Variants in DNM3 observed in about 807,000 individuals in gnomAD.
The protein encoded by DNM3 is dynamin 3.
A neutral mutation model predicts 101.6 loss-of-function variants in DNM3; 47 were observed. The ratio of observed to expected loss-of-function variants is 0.46; its 90% CI spans 0.37 to 0.59. The LOEUF is 0.59. Ranked by LOEUF, DNM3 falls within the 20% of genes least tolerant of loss-of-function variation. The pLI is 0.00. For synonymous variants in DNM3, 385 were observed against 387.9 expected (o/e 0.99, Z 0.09); for missense variants, 849 against 1,085.7 (o/e 0.78, Z 3.06).
intron 8 of DNM3, among the ~76,000 whole-genome samples, chr1:172,042,917 A>AT (rs2049494238): frequency 6.6e-6 from 1 of 152,146 alleles, no homozygotes; most frequent in Non-Finnish European, 1.5e-5. Context: ...TGCCTGCTGG[A>AT]TTGTAAAGAG....
intron 20 of DNM3, among the ~76,000 whole-genome samples, chr1:172,403,876 C>CT: frequency 6.6e-6 from 1 of 152,252 alleles, no homozygotes; most frequent in East Asian, 1.9e-4. Flanking sequence ...CCAAAACAAA[C>CT]TGTCTTGTGA....
intron 13 of DNM3, among the ~76,000 whole-genome samples, chr1:172,112,514 C>A (rs2055558185): frequency 6.6e-6 from 1 of 152,228 alleles, no homozygotes; most frequent in Non-Finnish European, 1.5e-5. Context: ...CTGAGTGATT[C>A]TTTCATCACA....
intron 13 of DNM3, among the ~76,000 whole-genome samples, chr1:172,109,932 T>G (rs918306269): frequency 2.0e-5 from 3 of 152,212 alleles, no homozygotes; most frequent in Non-Finnish European, 4.4e-5. Context: ...AACCAGGAGC[T>G]CCAACACTCT....
At chr1:172,190,472 T>G (rs1211186188) in intron 14 of DNM3, among the ~76,000 whole-genome samples, 2 of 152,176 alleles carry the variant, frequency 1.3e-5, no homozygotes, top group African/African-American at 4.8e-5. Context: ...ACAATAAACA[T>G]ACGTCTGCAT....
intron 4 of DNM3, among the ~76,000 whole-genome samples, 194 bp from the exon 5 acceptor site, chr1:172,032,207 TG>T (rs1461960594): frequency 6.6e-6 from 1 of 152,146 alleles, no homozygotes; most frequent in Admixed American, 6.6e-5. Context: ...ATCTTCTGGA[TG>T]GGTGGTTTGG....
Position 172,264,341 on chromosome 1 carries a change from T to C in DNM3, c.1769+10659T>C, listed in dbSNP as rs539412132. Among the ~76,000 whole-genome samples, 5 of 152,338 alleles carry C rather than the reference T, an allele frequency of 3.3e-5. No individual in the cohort carries two copies. The East Asian group carries it at 9.7e-4, about 29-fold the overall frequency. ...CATGTCAGTTTATGTATTTTAATCC[T>C]CTGTGTTGTGGTAAAATCATGCATC... On this transcript the variant is annotated intron_variant, in intron 15 of 20. Transcript: ENST00000627582.
rs747273591 is a variant in DNM3, at chr1:171,987,768, C to T, written c.348C>T (p.Ser116=). Residue 116 remains serine, a synonymous_variant, in exon 3 of 21, where the codon TCC becomes TCT. Coordinates refer to ENST00000627582, the MANE Select transcript of DNM3 (RefSeq NM_015569.5). ...DRVTGMNKGI[S]SIPINLRVYS... ...TGACTGGAATGAATAAAGGCATTTC[C>T]TCCATACCCATTAATTTACGAGTCT... 4 of 1,587,546 alleles carry T rather than the reference C, an allele frequency of 2.5e-6. No homozygotes were observed. Among genetic ancestry groups the T allele is most frequent in the Admixed American group, 1.9e-5 (1 of 53,378 alleles).
rs6696568 is a variant in DNM3 at position 171,987,359 on chromosome 1, C to T, written c.236-297C>T. 3.1e-3 allele frequency: 3,077 copies of T among 979,666 alleles called. 90 individuals are homozygous for T. The African/African-American group carries it at 0.05, about 16-fold the overall frequency. 60.7% of individuals were successfully genotyped at this position (979,666 alleles called of 1,614,324 possible). A position where few individuals can be genotyped will look rare whatever the true frequency, so the allele number is the denominator to read the frequency against. On this transcript the variant is annotated intron_variant, in intron 2 of 20. Transcript: ENST00000627582. ...AATCAGGTGCTGTTGTTTGCTTTAT[C>T]ATTTGGATAGCCAAAATTTTCTTTA...
intron 2 of DNM3, among the ~76,000 whole-genome samples, chr1:171,926,211 C>G (rs1344055079): frequency 1.3e-5 from 2 of 152,086 alleles, no homozygotes; most frequent in Non-Finnish European, 2.9e-5. Flanking sequence ...TCTTCTGGTT[C>G]CCTATTAATT....
intron 13 of DNM3, among the ~76,000 whole-genome samples, chr1:172,094,907 T>C (rs1437110057): frequency 2.0e-5 from 3 of 152,186 alleles, no homozygotes; most frequent in Non-Finnish European, 4.4e-5. Context: ...CTCACAGAAG[T>C]ATGTACATGT....
intron 19 of DNM3, 27 bp from the exon 20 acceptor site, chr1:172,388,546 C>A: frequency 6.3e-7 from 1 of 1,584,966 alleles, no homozygotes; most frequent in South Asian, 1.1e-5. Flanking sequence ...GAGGAGTGAG[C>A]AAACTATGAT....
intron 14 of DNM3, among the ~76,000 whole-genome samples, chr1:172,204,751 C>T (rs2060270777): frequency 6.6e-6 from 1 of 152,108 alleles, no homozygotes; most frequent in Non-Finnish European, 1.5e-5. Context: ...TCTCAATCTT[C>T]TGGCTCAGAC....
rs2071501701 is a variant in DNM3 at position 172,418,282 on chromosome 1, C to T, written c.2542C>T (p.Arg848Ter). 4 of 1,288,982 alleles carry T rather than the reference C, an allele frequency of 3.1e-6. No individual in the cohort carries two copies. Among genetic ancestry groups the T allele is most frequent in the Non-Finnish European group, 2.0e-6 (2 of 988,568 alleles). The allele number at this position is 1,288,982 out of a possible 1,614,324, so 79.8% of individuals were successfully genotyped here. ...TTTGTTTTGTTTTGTTTTTACTAGG[C>T]GACCCCCTCCTGCAGTTCCAGGACG... The change falls in exon 21 of 21, where the codon CGA becomes TGA. Residue 848 changes from arginine (R) to a stop codon, truncating the protein, a stop_gained and splice_region_variant. Coordinates refer to the DNM3 transcript ENST00000485254. LOFTEE classifies it high-confidence loss of function.
chr1:172,112,788 T>A (rs1227217062), intron 13 of DNM3, among the ~76,000 whole-genome samples: 1 of 152,186 alleles, frequency 6.6e-6, no homozygotes, highest in Non-Finnish European at 1.5e-5. Context: ...TGCCTCACAG[T>A]GTTCAAAGAT....
At chr1:172,378,187 G>T (rs2068710107) in intron 17 of DNM3, 1 of 152,008 alleles carries the variant, frequency 6.6e-6, no homozygotes, top group African/African-American at 2.4e-5. Context: ...GAGACCATTT[G>T]TTCTAAATTG....
At chr1:172,344,914 TG>T (rs1230539890) in intron 17 of DNM3, among the ~76,000 whole-genome samples, 1 of 152,204 alleles carries the variant, frequency 6.6e-6, no homozygotes, top group Non-Finnish European at 1.5e-5. Flanking sequence ...AATCACAAAA[TG>T]TGTTTTTCTA....
At chr1:172,263,566 T>C (rs902066316) in intron 15 of DNM3, among the ~76,000 whole-genome samples, 1 of 152,190 alleles carries the variant, frequency 6.6e-6, no homozygotes, top group Non-Finnish European at 1.5e-5. Context: ...CTCACAATCA[T>C]GGCAGAAGGC....
chr1:172,274,022 A>G (rs575739564), intron 15 of DNM3, among the ~76,000 whole-genome samples: 1 of 152,182 alleles, frequency 6.6e-6, no homozygotes, highest in South Asian at 2.1e-4. Flanking sequence ...AAGAATCAAT[A>G]TTACATTGAT....
chr1:172,366,824 T>C (rs927377354), intron 17 of DNM3, among the ~76,000 whole-genome samples: 4 of 150,840 alleles, frequency 2.7e-5, no homozygotes, highest in Non-Finnish European at 4.4e-5. Flanking sequence ...AATAACCCAG[T>C]CAGAAAAAAA....
Sources: gnomAD v4.1 joint callset for allele counts (sites outside exome capture counted in the v4.1 genomes callset) on GRCh38, gnomAD v4.1.1 for gene constraint, MANE v1.5 for transcripts, NCBI Gene and HGNC (gene_info 2026-07-23, HGNC 2026-07-21) for gene names.